Variants in ETNK1 observed in about 807,000 individuals in gnomAD.
ETNK1 encodes the protein ethanolamine kinase 1.
Under a neutral mutation model 45.1 loss-of-function variants are expected in ETNK1, and 8 were observed. The ratio of observed to expected loss-of-function variants is 0.18; its 90% CI spans 0.10 to 0.32. The LOEUF (loss-of-function observed/expected upper bound fraction) is 0.32, where lower values mean the gene tolerates loss of function less well. ETNK1 is among the 10% of genes least tolerant of loss of function. The pLI, the probability that ETNK1 is intolerant of heterozygous loss-of-function variation, is 1.00. For synonymous variants in ETNK1, 152 were observed against 151.9 expected (o/e 1.00, Z -0.01); for missense variants, 302 against 430.6 (o/e 0.70, Z 2.64).
At position 22,673,483 on chromosome 12, in the gene ETNK1, T is replaced by C; in HGVS notation, c.785-17T>C. The stretch of plus-strand genomic sequence containing the variant: ...TATGTTTTAAAATTTTTGAGTGTAG[T>C]TTTTTTTCTTCTAAAGGTGTGAGTG... On this transcript the variant is annotated splice_polypyrimidine_tract_variant and intron_variant, in intron 5 of 7. Transcript: ENST00000266517. 1 of 1,541,650 alleles carries C rather than the reference T, an allele frequency of 6.5e-7. No homozygotes were observed.
At chr12:22,635,637 A>G (rs1953646335) in intron 1 of ETNK1, among the ~76,000 whole-genome samples, 1 of 152,098 alleles carries the variant, frequency 6.6e-6, no homozygotes, top group Non-Finnish European at 1.5e-5. Flanking sequence ...TTTTTTCTTT[A>G]TCTCACTCAT....
chr12:22,656,350 T>C lies in ETNK1; in HGVS notation c.417-2664T>C, dbSNP rs1052279429. ...AAAACAACTTGAGGCAGCAAAAGTA[T>C]TATAGTTGTCTGACTTTATCCGTGT... On this transcript the variant is annotated intron_variant, in intron 2 of 7. Transcript: ENST00000266517. 6.4e-5 allele frequency: 61 copies of C among 950,544 alleles called. No individual in the cohort carries two copies. The African/African-American group carries it at 9.5e-4, about 15-fold the overall frequency. The allele number at this position is 950,544 out of a possible 1,614,324, so 58.9% of individuals were successfully genotyped here. A position where few individuals can be genotyped will look rare whatever the true frequency, so the allele number is the denominator to read the frequency against.
intron 5 of ETNK1, 37 bp downstream of exon 5, chr12:22,671,392 G>T (rs775370192): frequency 9.0e-6 from 11 of 1,221,408 alleles, no homozygotes; most frequent in Non-Finnish European, 1.3e-5. Context: ...GCTTTGAAAC[G>T]ATATTTTCAG....
intron 2 of ETNK1, chr12:22,656,802 A>C (rs1340223527): frequency 1.9e-5 from 19 of 981,988 alleles, no homozygotes; most frequent in Non-Finnish European, 2.3e-5. Context: ...CACAGCAAAT[A>C]AAATCTGTTA....
At chr12:22,654,991 G>A (rs546079718) in intron 2 of ETNK1, among the ~76,000 whole-genome samples, 3 of 152,194 alleles carry the variant, frequency 2.0e-5, no homozygotes, top group Admixed American at 1.3e-4. Context: ...TTTTTGAAAC[G>A]TAGTTTCACT....
At chr12:22,631,944 T>G (rs1466214118) in intron 1 of ETNK1, among the ~76,000 whole-genome samples, 1 of 152,124 alleles carries the variant, frequency 6.6e-6, no homozygotes, top group Non-Finnish European at 1.5e-5. Context: ...GAAAAATGGA[T>G]GAATCATAAA....
Position 22,625,309 on chromosome 12 carries a change from C to T in ETNK1, c.-122C>T. On this transcript the variant is annotated 5_prime_UTR_variant, in exon 1 of 8. Transcript: ENST00000266517. ...CCTGCCGCTCGCCCGCCCGTCCCAG[C>T]GCCCCCAGCCCTCCCGCGAGGGCGC... 1 of 1,604,042 alleles carries T rather than the reference C, an allele frequency of 6.2e-7. No homozygotes were observed. The highest frequency in any genetic ancestry group is 8.5e-7 in the Non-Finnish European group (1 of 1,176,318).
At chr12:22,684,678 A>G in intron 7 of ETNK1, 122 bp downstream of exon 7, 3 of 793,250 alleles carry the variant, frequency 3.8e-6, no homozygotes, top group South Asian at 3.6e-5. Flanking sequence ...ACACTTAGTA[A>G]TTGGTCTGTG....
chr12:22,675,362 AT>A, intron 6 of ETNK1, among the ~76,000 whole-genome samples: 1 of 151,814 alleles, frequency 6.6e-6, no homozygotes, highest in East Asian at 1.9e-4. Context: ...TGCCAGACCT[AT>A]TTTTTTATTA....
chr12:22,657,248 T>C (rs1159267956), intron 2 of ETNK1, among the ~76,000 whole-genome samples: 1 of 152,248 alleles, frequency 6.6e-6, no homozygotes, highest in Middle Eastern at 3.2e-3. Context: ...AATAAATGTT[T>C]ATTTACTCAT....
intron 6 of ETNK1, 111 bp from the exon 7 acceptor site, chr12:22,684,372 C>T (rs1954240855): frequency 1.4e-6 from 1 of 714,904 alleles, no homozygotes; most frequent in Admixed American, 2.7e-5. Flanking sequence ...AAAAGAACAG[C>T]AAGAAAGTGT....
At chr12:22,666,830 G>A (rs1954057651) in intron 4 of ETNK1, among the ~76,000 whole-genome samples, 1 of 152,030 alleles carries the variant, frequency 6.6e-6, no homozygotes, top group African/African-American at 2.4e-5. Flanking sequence ...ATAGAAAATG[G>A]GTGAGTCCCC....
At chr12:22,682,970 AGAC>A (rs1236697478) in intron 6 of ETNK1, among the ~76,000 whole-genome samples, 1 of 152,190 alleles carries the variant, frequency 6.6e-6, no homozygotes, top group African/African-American at 2.4e-5. Context: ...TTTAGATAGA[AGAC>A]CATTTTTGAA....
intron 1 of ETNK1, among the ~76,000 whole-genome samples, chr12:22,632,374 T>C (rs1427558066): frequency 6.6e-6 from 1 of 151,406 alleles, no homozygotes; most frequent in East Asian, 1.9e-4. Context: ...TTTATATTCT[T>C]TTTTTCACTA....
chr12:22,637,107 C>T (rs1365894891), intron 1 of ETNK1, among the ~76,000 whole-genome samples: 1 of 152,156 alleles, frequency 6.6e-6, no homozygotes, highest in African/African-American at 2.4e-5. Context: ...GTTTTGATAT[C>T]CTCCGATGCT....
Position 22,661,214 on chromosome 12 carries a change from T to G in ETNK1, c.700+9T>G. 4 of 1,594,858 alleles carry G rather than the reference T, an allele frequency of 2.5e-6. No individual in the cohort carries two copies. The highest frequency in any genetic ancestry group is 3.4e-6 in the Non-Finnish European group (4 of 1,175,182). On this transcript the variant is annotated intron_variant, in intron 4 of 7. Transcript: ENST00000266517. ...CTACAATGAGAAACAAGGTAGGTAT[T>G]TGACCTTAGCAGTAAGTAAAATTGA...
chr12:22,665,708 T>C (rs566160106), intron 4 of ETNK1, among the ~76,000 whole-genome samples: 1 of 152,248 alleles, frequency 6.6e-6, no homozygotes, highest in Admixed American at 6.5e-5. Flanking sequence ...GGATTTGAGC[T>C]GAAGGTACAT....
At chr12:22,643,660 G>A in intron 1 of ETNK1, 103 bp from the exon 2 acceptor site, 1 of 848,602 alleles carries the variant, frequency 1.2e-6, no homozygotes, top group Non-Finnish European at 1.7e-6. Context: ...AGAAGTTGGT[G>A]TTTTCTTTAA....
At chr12:22,634,054 T>A (rs1021745740) in intron 1 of ETNK1, among the ~76,000 whole-genome samples, 2 of 152,130 alleles carry the variant, frequency 1.3e-5, no homozygotes, top group African/African-American at 4.8e-5. Flanking sequence ...TTTCAATAAT[T>A]TATTGTTAGG....
Sources: allele counts gnomAD v4.1 joint callset (sites outside exome capture counted in the v4.1 genomes callset), GRCh38; gene constraint gnomAD v4.1.1; transcripts MANE v1.5; gene names NCBI Gene and HGNC (gene_info 2026-07-23, HGNC 2026-07-21).